OR1B1: variants seen among roughly 807,000 people sequenced by gnomAD.
OR1B1 encodes olfactory receptor family 1 subfamily B member 1.
For missense variants in OR1B1, 414 were observed against 402.1 expected (o/e 1.03, Z -0.25); for synonymous variants, 168 against 156.2 (o/e 1.08, Z -0.57).
At chr9:122,655,303 T>C in the OR1B1 span, among the ~76,000 whole-genome samples, 8 of 152,142 alleles carry the variant, frequency 5.3e-5, no homozygotes, top group Non-Finnish European at 1.5e-5. Context: ...CTTCAAGTCC[T>C]CTCTACTCAG....
chr9:122,631,270 A>G (rs1456187606), upstream of OR1B1, among the ~76,000 whole-genome samples: 3 of 151,484 alleles, frequency 2.0e-5, no homozygotes, highest in Non-Finnish European at 4.4e-5. Context: ...TCTGCCTTCC[A>G]AGTTCATGCC....
At chr9:122,629,679 C>T (rs1185736665), upstream of OR1B1, 12 of 581,964 alleles carry the variant, frequency 2.1e-5, no homozygotes, top group Admixed American at 6.3e-5. Context: ...ACCATCTACT[C>T]TCCCTCCCTA....
At chr9:122,649,073 A>C in the OR1B1 span, among the ~76,000 whole-genome samples, 1 of 152,204 alleles carries the variant, frequency 6.6e-6, no homozygotes, top group African/African-American at 2.4e-5. Context: ...ATGGAACAGA[A>C]CAGAGAACTC....
At chr9:122,652,834 T>C in the OR1B1 span, among the ~76,000 whole-genome samples, 1 of 152,276 alleles carries the variant, frequency 6.6e-6, no homozygotes, top group South Asian at 2.1e-4. Flanking sequence ...TGGAAGGATA[T>C]AGGGGAATAA....
upstream of OR1B1, among the ~76,000 whole-genome samples, chr9:122,633,452 G>A (rs1400774893): frequency 6.6e-6 from 1 of 152,026 alleles, no homozygotes; most frequent in Non-Finnish European, 1.5e-5. Context: ...AAACAAGTGA[G>A]ACTACATCAA....
the OR1B1 span, among the ~76,000 whole-genome samples, chr9:122,643,161 G>C: frequency 6.6e-6 from 1 of 152,282 alleles, no homozygotes; most frequent in Non-Finnish European, 1.5e-5. Context: ...AATCAGGTGA[G>C]TAAGCACAGT....
At chr9:122,634,609 GA>G in the OR1B1 span, among the ~76,000 whole-genome samples, 2 of 152,002 alleles carry the variant, frequency 1.3e-5, no homozygotes, top group Middle Eastern at 3.2e-3. Flanking sequence ...CAGCATGGGG[GA>G]AACCACCCCC....
the OR1B1 span, among the ~76,000 whole-genome samples, chr9:122,648,858 T>C: frequency 3.9e-5 from 6 of 152,190 alleles, no homozygotes; most frequent in Non-Finnish European, 8.8e-5. Flanking sequence ...GCTATCCCCA[T>C]CGACCTACCA....
At chr9:122,646,020 AAC>A in the OR1B1 span, among the ~76,000 whole-genome samples, 1 of 152,176 alleles carries the variant, frequency 6.6e-6, no homozygotes, top group African/African-American at 2.4e-5. Flanking sequence ...CATAAAGAGA[AAC>A]AACAAAAAGT....
chr9:122,643,865 G>A, the OR1B1 span, among the ~76,000 whole-genome samples: 1 of 152,174 alleles, frequency 6.6e-6, no homozygotes, highest in East Asian at 1.9e-4. Flanking sequence ...TGGCCAAAAG[G>A]GAACCCACTG....
At chr9:122,651,512 T>G in the OR1B1 span, among the ~76,000 whole-genome samples, 2 of 152,190 alleles carry the variant, frequency 1.3e-5, no homozygotes, top group Non-Finnish European at 2.9e-5. Flanking sequence ...TGTTCTACTT[T>G]TTATTTCTAT....
At chr9:122,635,440 A>G in the OR1B1 span, among the ~76,000 whole-genome samples, 2 of 152,340 alleles carry the variant, frequency 1.3e-5, no homozygotes, top group East Asian at 3.9e-4. Flanking sequence ...GTCTAGAGGT[A>G]TACTGTACAG....
the OR1B1 span, among the ~76,000 whole-genome samples, chr9:122,649,635 A>G: frequency 1.4e-4 from 21 of 152,362 alleles, no homozygotes; most frequent in African/African-American, 5.1e-4. Flanking sequence ...GCAGCCCACA[A>G]ACATTTGGAA....
At chr9:122,633,761 C>G (rs1830227201), upstream of OR1B1, among the ~76,000 whole-genome samples, 1 of 151,894 alleles carries the variant, frequency 6.6e-6, no homozygotes, top group African/African-American at 2.4e-5. Context: ...AAAACCTCGT[C>G]TCTACTAAAA....
chr9:122,643,427 G>A, the OR1B1 span, among the ~76,000 whole-genome samples: 3 of 152,308 alleles, frequency 2.0e-5, no homozygotes, highest in Non-Finnish European at 2.9e-5. Context: ...ACCAGCACTC[G>A]CTGGAGGGGA....
chr9:122,630,259 T>C (rs1457376334), upstream of OR1B1, among the ~76,000 whole-genome samples: 1 of 152,246 alleles, frequency 6.6e-6, no homozygotes, highest in Non-Finnish European at 1.5e-5. Context: ...TTAGATGAGA[T>C]ACTGCTTTAG....
At chr9:122,643,714 T>C in the OR1B1 span, among the ~76,000 whole-genome samples, 1,234 of 152,332 alleles carry the variant, frequency 8.1e-3, 36 homozygotes, top group Admixed American at 0.056. Context: ...GACTCCTTCC[T>C]TCTGCTTATG....
At chr9:122,633,008 C>A (rs551246133), upstream of OR1B1, among the ~76,000 whole-genome samples, 3 of 152,172 alleles carry the variant, frequency 2.0e-5, no homozygotes, top group South Asian at 6.2e-4. Context: ...CAGGGAAACT[C>A]CCCTTTATAA....
At chr9:122,640,855 TATTG>T in the OR1B1 span, among the ~76,000 whole-genome samples, 1 of 152,206 alleles carries the variant, frequency 6.6e-6, no homozygotes, top group African/African-American at 2.4e-5. Flanking sequence ...TCCATCCATT[TATTG>T]ATTAATTCAT....
Sources: allele counts gnomAD v4.1 joint callset (sites outside exome capture counted in the v4.1 genomes callset), GRCh38; gene constraint gnomAD v4.1.1; transcripts MANE v1.5; gene names NCBI Gene and HGNC (gene_info 2026-07-23, HGNC 2026-07-21).